Variants in CFAP299 observed in about 807,000 individuals in gnomAD.
CFAP299 encodes cilia and flagella associated protein 299, also known as cilia- and flagella-associated protein 299.
A neutral mutation model predicts 27.0 loss-of-function variants in CFAP299; 21 were observed. The observed-to-expected ratio is 0.78, with a 90% confidence interval of 0.55 to 1.12. The LOEUF is 1.12. Ranked by LOEUF, CFAP299 falls within the 50% of genes most tolerant of loss-of-function variation. The pLI is 0.00. For missense variants in CFAP299, 310 were observed against 276.6 expected, an observed-to-expected ratio of 1.12 and a Z score of -0.86; for synonymous variants, 104 against 98.1, an observed-to-expected ratio of 1.06 and a Z score of -0.36.
chr4:80,963,482 T>C, intron 5 of CFAP299, 35 bp from the exon 6 acceptor site: 1 of 1,420,974 alleles, frequency 7.0e-7, no homozygotes, highest in Non-Finnish European at 9.7e-7. Context: ...AGTATTTTTA[T>C]AGACTTGACT....
intron 3 of CFAP299, among the ~76,000 whole-genome samples, chr4:80,625,953 C>T (rs1235240148): frequency 2.0e-5 from 3 of 151,618 alleles, no homozygotes; most frequent in Middle Eastern, 3.2e-3. Context: ...AGTTAAACAC[C>T]CCACTTCTGG....
At chr4:80,471,478 G>A (rs902258004) in intron 2 of CFAP299, among the ~76,000 whole-genome samples, 3 of 149,540 alleles carry the variant, frequency 2.0e-5, no homozygotes, top group Non-Finnish European at 3.0e-5. Flanking sequence ...CATTAATTTC[G>A]TGCAACCATA....
intron 2 of CFAP299, among the ~76,000 whole-genome samples, chr4:80,435,234 C>T (rs1728009144): frequency 6.6e-6 from 1 of 152,018 alleles, no homozygotes; most frequent in South Asian, 2.1e-4. Flanking sequence ...AGACCAGAGG[C>T]AAAATAAAAT....
chr4:80,485,086 C>T (rs571020782), intron 2 of CFAP299, among the ~76,000 whole-genome samples: 8 of 151,986 alleles, frequency 5.3e-5, no homozygotes, highest in South Asian at 2.1e-4. Context: ...AACATCAGTA[C>T]GTGGAGACAG....
chr4:80,501,854 G>A (rs80076744), intron 2 of CFAP299, among the ~76,000 whole-genome samples: 1 of 151,666 alleles, frequency 6.6e-6, no homozygotes, highest in African/African-American at 2.4e-5. Context: ...TCTTCAGGAT[G>A]TATTTTAATT....
chr4:80,450,921 G>C (rs1038320404), intron 2 of CFAP299, among the ~76,000 whole-genome samples: 1 of 151,604 alleles, frequency 6.6e-6, no homozygotes, highest in African/African-American at 2.4e-5. Flanking sequence ...GAGAGAGAGA[G>C]AGAGAGCATT....
chr4:80,780,141 G>A lies in CFAP299; in HGVS notation c.334-89852G>A, dbSNP rs892913507. Among the ~76,000 whole-genome samples, 5 of 151,790 alleles carry A rather than the reference G, an allele frequency of 3.3e-5. 1 individual carries two copies. Among genetic ancestry groups the A allele is most frequent in the Non-Finnish European group, 7.4e-5 (5 of 67,950 alleles). ...GGTCTCCTTCCCTCTCTCCACATCT[G>A]CAAATCCTACTTCTTCTTTAAACAA... On this transcript the variant is annotated intron_variant, in intron 3 of 5. Transcript: ENST00000358105.
intron 2 of CFAP299, among the ~76,000 whole-genome samples, chr4:80,476,125 G>T (rs1397536567): frequency 6.6e-6 from 1 of 152,156 alleles, no homozygotes; most frequent in African/African-American, 2.4e-5. Context: ...CCAAACTCAA[G>T]GAAAGATCTC....
intron 2 of CFAP299, among the ~76,000 whole-genome samples, chr4:80,522,734 C>G (rs758491380): frequency 1.3e-5 from 2 of 152,116 alleles, no homozygotes; most frequent in African/African-American, 2.4e-5. Flanking sequence ...GTTTTCCCAG[C>G]ACTATTTGTT....
intron 4 of CFAP299, among the ~76,000 whole-genome samples, chr4:80,892,839 A>T (rs1734409301): frequency 6.6e-6 from 1 of 152,104 alleles, no homozygotes; most frequent in Non-Finnish European, 1.5e-5. Context: ...GCTCACTCAC[A>T]GCGCTTCTAC....
chr4:80,643,425 G>T (rs1250407631), intron 3 of CFAP299, among the ~76,000 whole-genome samples: 1 of 152,174 alleles, frequency 6.6e-6, no homozygotes, highest in Non-Finnish European at 1.5e-5. Flanking sequence ...AAGGATTGTG[G>T]ATAAATGGGC....
At chr4:80,345,720 C>T (rs188347424) in intron 1 of CFAP299, among the ~76,000 whole-genome samples, 77 of 152,080 alleles carry the variant, frequency 5.1e-4, no homozygotes, top group African/African-American at 3.9e-4. Flanking sequence ...TTGTGAATAG[C>T]GCCACAATAA....
At chr4:80,463,412 A>G (rs1361109022) in intron 2 of CFAP299, among the ~76,000 whole-genome samples, 1 of 152,210 alleles carries the variant, frequency 6.6e-6, no homozygotes, top group East Asian at 1.9e-4. Flanking sequence ...GTGATTACAT[A>G]TAAATATTTA....
intron 2 of CFAP299, among the ~76,000 whole-genome samples, chr4:80,500,211 T>A (rs1056946190): frequency 6.6e-6 from 1 of 152,096 alleles, no homozygotes; most frequent in African/African-American, 2.4e-5. Context: ...TCTGATGCAC[T>A]TGGCAACTGT....
intron 2 of CFAP299, among the ~76,000 whole-genome samples, chr4:80,474,157 G>A (rs1295921905): frequency 6.6e-6 from 1 of 151,990 alleles, no homozygotes; most frequent in East Asian, 1.9e-4. Context: ...ACTAATATTT[G>A]AACAAAATTT....
intron 3 of CFAP299, among the ~76,000 whole-genome samples, chr4:80,592,001 G>A (rs1290791991): frequency 6.6e-6 from 1 of 152,156 alleles, no homozygotes; most frequent in African/African-American, 2.4e-5. Context: ...GTAAACTGGA[G>A]TCTATGGATT....
rs143627409 is a variant in CFAP299, at chr4:80,906,280, G to A, written c.476+36145G>A. Among the ~76,000 whole-genome samples, 468 of 152,328 alleles carry A rather than the reference G, an allele frequency of 3.1e-3. 2 individuals are homozygous for A. Among genetic ancestry groups the A allele is most frequent in the African/African-American group, 0.011 (449 of 41,568 alleles). ...CCATGTCATGCTGATGGAAGAGGTAGGCTCCCACAGCCTTAGGCAGATCCA... is the reference window on the plus strand; with the variant it reads ...CCATGTCATGCTGATGGAAGAGGTAAGCTCCCACAGCCTTAGGCAGATCCA... On this transcript the variant is annotated intron_variant, in intron 4 of 5. Transcript: ENST00000358105.
chr4:80,917,510 T>G (rs913844360), intron 4 of CFAP299, among the ~76,000 whole-genome samples: 4 of 152,164 alleles, frequency 2.6e-5, no homozygotes, highest in Non-Finnish European at 4.4e-5. Context: ...CATAATTACT[T>G]ACACAAGTAT....
intron 1 of CFAP299, among the ~76,000 whole-genome samples, chr4:80,338,106 T>A (rs561933170): frequency 5.9e-5 from 9 of 152,042 alleles, no homozygotes; most frequent in Admixed American, 2.6e-4. Flanking sequence ...TCTCTCTCTC[T>A]CACACACATC....
Sources: allele counts gnomAD v4.1 joint callset (sites outside exome capture counted in the v4.1 genomes callset), GRCh38; gene constraint gnomAD v4.1.1; transcripts MANE v1.5; gene names NCBI Gene and HGNC (gene_info 2026-07-23, HGNC 2026-07-21).